ARPP21: variants seen among roughly 807,000 people sequenced by gnomAD.
ARPP21 encodes the protein cAMP regulated phosphoprotein 21.
Under a neutral mutation model 113.2 loss-of-function variants are expected in ARPP21, and 69 were observed. The ratio of observed to expected loss-of-function variants is 0.61; its 90% CI spans 0.50 to 0.74. The LOEUF (loss-of-function observed/expected upper bound fraction) is 0.74. ARPP21 is among the 30% of genes least tolerant of loss of function. The pLI is 0.00. For missense variants in ARPP21, 1,070 were observed against 1,037.4 expected (o/e 1.03, Z -0.43); for synonymous variants, 368 against 375.5 (o/e 0.98, Z 0.23).
intron 12 of ARPP21, 173 bp downstream of exon 12, chr3:35,715,649 T>A: frequency 2.2e-6 from 1 of 448,142 alleles, no homozygotes; most frequent in Admixed American, 3.9e-5. Context: ...ACAAATGATC[T>A]AATTTGGAAA....
chr3:35,678,497 A>C (rs757820585), intron 1 of ARPP21, among the ~76,000 whole-genome samples: 16 of 152,008 alleles, frequency 1.1e-4, no homozygotes, highest in Non-Finnish European at 2.1e-4. Flanking sequence ...ATTACTATTG[A>C]TTAGCAATCC....
At chr3:35,701,349 A>C (rs1250075877) in intron 9 of ARPP21, among the ~76,000 whole-genome samples, 1 of 151,712 alleles carries the variant, frequency 6.6e-6, no homozygotes, top group Non-Finnish European at 1.5e-5. Flanking sequence ...TAATTTTTCT[A>C]CTGTAGACAT....
chr3:35,787,618 A>C (rs1224084415), intron 19 of ARPP21, among the ~76,000 whole-genome samples: 1 of 152,226 alleles, frequency 6.6e-6, no homozygotes, highest in East Asian at 1.9e-4. Context: ...ATAGGCAGTC[A>C]TGTTTTACAT....
intron 1 of ARPP21, chr3:35,650,246 C>G (rs561287779): frequency 4.6e-5 from 7 of 152,072 alleles, no homozygotes; most frequent in Admixed American, 3.3e-4. Flanking sequence ...TCTTGGGTGA[C>G]GGCTAACAAG....
Position 35,737,312 on chromosome 3 carries a change from C to A in ARPP21, c.1594C>A (p.Gln532Lys), listed in dbSNP as rs1396255165. The A allele has an allele frequency of 3.1e-6, 5 of 1,612,650 alleles. No homozygotes were observed. Among genetic ancestry groups the A allele is most frequent in the Admixed American group, 1.7e-5 (1 of 59,928 alleles). The change falls in exon 16 of 21, where the codon CAG becomes AAG. Residue 532 changes from glutamine to lysine, a missense_variant. By Grantham distance (53) the Gln-to-Lys change is moderately conservative. Transcript: ENST00000684406. ...GCAGCAGCCCTCCCCGCAGCCCCAA[C>A]AGCAGGTCCAGCCACCGCAGCCACA... is the stretch of plus-strand genomic sequence containing the variant. ...PQQQPSPQPQQQVQPPQPQMA... is the reference protein window; with the variant it reads ...PQQQPSPQPQKQVQPPQPQMA...
chr3:35,750,241 T>C (rs1211975095), intron 19 of ARPP21, among the ~76,000 whole-genome samples: 2 of 151,942 alleles, frequency 1.3e-5, no homozygotes, highest in East Asian at 3.9e-4. Flanking sequence ...TTTAGCTGTG[T>C]CCCACAGATT....
At chr3:35,712,963 T>C (rs2091618951) in intron 11 of ARPP21, among the ~76,000 whole-genome samples, 1 of 152,156 alleles carries the variant, frequency 6.6e-6, no homozygotes, top group Non-Finnish European at 1.5e-5. Flanking sequence ...TATTTGTGTA[T>C]AAATAGAGAT....
At chr3:35,780,535 C>G (rs1041129328) in intron 19 of ARPP21, among the ~76,000 whole-genome samples, 1 of 151,968 alleles carries the variant, frequency 6.6e-6, no homozygotes, top group Non-Finnish European at 1.5e-5. Flanking sequence ...GATGGCCTCC[C>G]CCGCAGTGTA....
intron 19 of ARPP21, among the ~76,000 whole-genome samples, chr3:35,789,910 T>A (rs1421016396): frequency 6.6e-6 from 1 of 152,230 alleles, no homozygotes; most frequent in Non-Finnish European, 1.5e-5. Flanking sequence ...GTGTGTTAAG[T>A]GAATCTCTTA....
At chr3:35,791,555 A>G (rs2096748206) in intron 19 of ARPP21, among the ~76,000 whole-genome samples, 1 of 152,194 alleles carries the variant, frequency 6.6e-6, no homozygotes, top group African/African-American at 2.4e-5. Flanking sequence ...TGCATTTTAA[A>G]CCACTCATTG....
chr3:35,675,930 CAG>C (rs1201242124), intron 1 of ARPP21, among the ~76,000 whole-genome samples: 4 of 151,806 alleles, frequency 2.6e-5, no homozygotes, highest in African/African-American at 9.7e-5. Context: ...ATCAATATGT[CAG>C]AGGAAATTTT....
intron 19 of ARPP21, among the ~76,000 whole-genome samples, chr3:35,750,611 G>A (rs1220504885): frequency 6.6e-6 from 1 of 151,980 alleles, no homozygotes; most frequent in Non-Finnish European, 1.5e-5. Context: ...CAGGTATTCC[G>A]TATTTTTTCT....
intron 13 of ARPP21, among the ~76,000 whole-genome samples, chr3:35,718,463 T>A (rs574314305): frequency 3.3e-5 from 5 of 152,302 alleles, no homozygotes; most frequent in African/African-American, 1.2e-4. Flanking sequence ...TGACCTAGTT[T>A]GTTTAGGGTG....
chr3:35,668,626 A>G (rs1393066313), intron 1 of ARPP21, among the ~76,000 whole-genome samples: 1 of 152,280 alleles, frequency 6.6e-6, no homozygotes, highest in African/African-American at 2.4e-5. Context: ...TACATTTGCA[A>G]ATTGCCAAGA....
At chr3:35,782,821 AT>A (rs1203850930) in intron 19 of ARPP21, among the ~76,000 whole-genome samples, 1 of 152,184 alleles carries the variant, frequency 6.6e-6, no homozygotes, top group African/African-American at 2.4e-5. Flanking sequence ...CATCAACCCT[AT>A]GCCTCCCTCT....
chr3:35,687,393 G>A (rs2080946531), intron 5 of ARPP21, among the ~76,000 whole-genome samples: 1 of 150,306 alleles, frequency 6.7e-6, no homozygotes, highest in Non-Finnish European at 1.5e-5. Flanking sequence ...TAATACAATG[G>A]CTGTGATGAG....
At chr3:35,687,039 A>C in intron 5 of ARPP21, among the ~76,000 whole-genome samples, 1 of 151,244 alleles carries the variant, frequency 6.6e-6, no homozygotes, top group Middle Eastern at 3.4e-3. Flanking sequence ...AATAATATTA[A>C]ATTTTATATA....
At chr3:35,663,832 T>C (rs1412348216) in intron 1 of ARPP21, among the ~76,000 whole-genome samples, 2 of 152,124 alleles carry the variant, frequency 1.3e-5, no homozygotes, top group Non-Finnish European at 2.9e-5. Flanking sequence ...CTGGAATGTG[T>C]GCTGATGCCT....
At chr3:35,662,536 G>A (rs1325448053) in intron 1 of ARPP21, among the ~76,000 whole-genome samples, 1 of 152,148 alleles carries the variant, frequency 6.6e-6, no homozygotes, top group Non-Finnish European at 1.5e-5. Context: ...AGAGAGAGAA[G>A]GTGAGCTGCA....
Sources: gnomAD v4.1 joint callset for allele counts (sites outside exome capture counted in the v4.1 genomes callset) on GRCh38, gnomAD v4.1.1 for gene constraint, MANE v1.5 for transcripts, NCBI Gene and HGNC (gene_info 2026-07-23, HGNC 2026-07-21) for gene names.